ARID2: variants seen among roughly 807,000 people sequenced by gnomAD.
ARID2 encodes AT-rich interaction domain 2.
ARID2 carries 32 observed loss-of-function variants against 184.6 expected under a neutral mutation model. That is an observed-to-expected ratio of 0.17 (90% CI 0.13 to 0.23). The LOEUF (loss-of-function observed/expected upper bound fraction) is 0.23. ARID2 is among the 10% of genes least tolerant of loss of function. ARID2 has a pLI of 1.00. For synonymous variants in ARID2, 836 were observed against 772.6 expected, an observed-to-expected ratio of 1.08 and a Z score of -1.36; for missense variants, 1,696 against 2,197.6, an observed-to-expected ratio of 0.77 and a Z score of 4.56.
chr12:45,799,403 T>C (rs1048477975), intron 3 of ARID2, among the ~76,000 whole-genome samples: 1 of 152,206 alleles, frequency 6.6e-6, no homozygotes, highest in Non-Finnish European at 1.5e-5. Flanking sequence ...TTATGTACAC[T>C]TAATAAATCA....
intron 16 of ARID2, among the ~76,000 whole-genome samples, chr12:45,888,127 G>A (rs1944227146): frequency 6.6e-6 from 1 of 151,676 alleles, no homozygotes; most frequent in Admixed American, 6.6e-5. Context: ...CCTGGGAGGC[G>A]GAGCTTGCAG....
At chr12:45,867,032 C>T (rs1774187374) in intron 16 of ARID2, among the ~76,000 whole-genome samples, 1 of 152,000 alleles carries the variant, frequency 6.6e-6, no homozygotes. Context: ...CTCACTGCAA[C>T]CTCCACCTCC....
At chr12:45,846,187 G>T (rs1268953658) in intron 11 of ARID2, 1 of 152,062 alleles carries the variant, frequency 6.6e-6, no homozygotes, top group Non-Finnish European at 1.5e-5. Context: ...CAACCAGGTT[G>T]CCTCTTTCAG....
At chr12:45,782,597 A>G (rs1211231812) in intron 3 of ARID2, among the ~76,000 whole-genome samples, 2 of 151,896 alleles carry the variant, frequency 1.3e-5, no homozygotes, top group Non-Finnish European at 2.9e-5. Context: ...GCGCCATTAC[A>G]CTCCAGCCTG....
intron 3 of ARID2, among the ~76,000 whole-genome samples, chr12:45,795,025 G>A (rs997517528): frequency 2.0e-5 from 3 of 149,748 alleles, no homozygotes; most frequent in South Asian, 2.1e-4. Flanking sequence ...CACTCCTGTC[G>A]TTTTTTGTGT....
chr12:45,862,162 A>G (rs1308883260), intron 16 of ARID2, among the ~76,000 whole-genome samples: 1 of 151,236 alleles, frequency 6.6e-6, no homozygotes, highest in Non-Finnish European at 1.5e-5. Flanking sequence ...GGATCATTTT[A>G]GTAGGTTTTT....
chr12:45,842,312 CATGTATATGTATAT>C (rs1186413507), intron 11 of ARID2: 1 of 142,292 alleles, frequency 7.0e-6, no homozygotes, highest in African/African-American at 2.5e-5. Flanking sequence ...TATATACACA[CATGTATATGTATAT>C]ATATACACAC....
chr12:45,821,359 A>G, intron 5 of ARID2, 61 bp from the exon 6 acceptor site: 1 of 1,030,458 alleles, frequency 9.7e-7, no homozygotes, highest in Admixed American at 2.9e-5. Flanking sequence ...ATTATTAAAT[A>G]ATTAATTGAA....
chr12:45,777,559 T>G (rs1565592210), intron 3 of ARID2, among the ~76,000 whole-genome samples: 1 of 151,974 alleles, frequency 6.6e-6, no homozygotes, highest in African/African-American at 2.4e-5. Context: ...CTGGTGACCT[T>G]AATTTTTCTC....
chr12:45,870,435 C>T (rs1186727458), intron 16 of ARID2, among the ~76,000 whole-genome samples: 1 of 152,064 alleles, frequency 6.6e-6, no homozygotes, highest in Non-Finnish European at 1.5e-5. Flanking sequence ...AATTGATGAG[C>T]CAATATTGAT....
intron 3 of ARID2, among the ~76,000 whole-genome samples, chr12:45,753,990 T>A (rs1266955890): frequency 6.6e-6 from 1 of 152,246 alleles, no homozygotes; most frequent in Non-Finnish European, 1.5e-5. Flanking sequence ...TCTGGCTATA[T>A]CTGATGTCAT....
At chr12:45,834,066 C>T (rs1279393128) in intron 6 of ARID2, among the ~76,000 whole-genome samples, 1 of 152,120 alleles carries the variant, frequency 6.6e-6, no homozygotes, top group Non-Finnish European at 1.5e-5. Flanking sequence ...AATAAAAATA[C>T]CAGTCAATCA....
intron 3 of ARID2, among the ~76,000 whole-genome samples, chr12:45,774,674 G>A (rs1941941980): frequency 6.6e-6 from 1 of 152,068 alleles, no homozygotes; most frequent in South Asian, 2.1e-4. Flanking sequence ...GTTTCTAAAC[G>A]TTTTTGTTAA....
chr12:45,792,129 G>T (rs1330264653), intron 3 of ARID2, among the ~76,000 whole-genome samples: 1 of 151,946 alleles, frequency 6.6e-6, no homozygotes, highest in Non-Finnish European at 1.5e-5. Context: ...TTTAGAGATG[G>T]ATGCTCATAA....
At chr12:45,770,470 G>A (rs1592065546) in intron 3 of ARID2, among the ~76,000 whole-genome samples, 1 of 152,148 alleles carries the variant, frequency 6.6e-6, no homozygotes, top group African/African-American at 2.4e-5. Context: ...GACCAGGGGT[G>A]TCCCAGCTCA....
At chr12:45,756,623 C>G (rs1941577049) in intron 3 of ARID2, among the ~76,000 whole-genome samples, 1 of 152,158 alleles carries the variant, frequency 6.6e-6, no homozygotes, top group Non-Finnish European at 1.5e-5. Context: ...TTAATTTTTC[C>G]CAAACTTCCC....
At chr12:45,837,078 A>G (rs554792209) in intron 8 of ARID2, 87 bp downstream of exon 8, 6 of 1,485,828 alleles carry the variant, frequency 4.0e-6, no homozygotes, top group South Asian at 1.3e-5. Context: ...TATAGTTGCC[A>G]TATTTATAGA....
chr12:45,897,845 GT>G (rs965321061), intron 20 of ARID2, among the ~76,000 whole-genome samples: 31 of 146,988 alleles, frequency 2.1e-4, no homozygotes, highest in Admixed American at 4.8e-4. Flanking sequence ...AGTTTTTGAG[GT>G]TTTTTTTTTT....
At chr12:45,819,675 T>G (rs1246184598) in intron 5 of ARID2, among the ~76,000 whole-genome samples, 2 of 152,020 alleles carry the variant, frequency 1.3e-5, no homozygotes, top group East Asian at 3.9e-4. Flanking sequence ...ATTTTTCAAT[T>G]TTATATTTCT....
Sources: gnomAD v4.1 joint callset for allele counts (sites outside exome capture counted in the v4.1 genomes callset) on GRCh38, gnomAD v4.1.1 for gene constraint, MANE v1.5 for transcripts, NCBI Gene and HGNC (gene_info 2026-07-23, HGNC 2026-07-21) for gene names.